LIN28B: variants seen among roughly 807,000 people sequenced by gnomAD.
The protein encoded by LIN28B is lin-28 RNA binding posttranscriptional regulator B, also known as protein lin-28 homolog B.
In LIN28B, 5 loss-of-function variants were observed where a neutral mutation model predicts 21.9. The observed-to-expected ratio is 0.23, with a 90% CI of 0.12 to 0.48. The LOEUF (loss-of-function observed/expected upper bound fraction) is 0.48. Among genes scored for constraint, LIN28B ranks in the 20% least tolerant of loss-of-function variants. The pLI is 0.98. For missense variants in LIN28B, 245 were observed against 310.5 expected, an observed-to-expected ratio of 0.79 and a Z score of 1.58; for synonymous variants, 109 against 111.3, an observed-to-expected ratio of 0.98 and a Z score of 0.13.
rs539063298 is a variant in LIN28B at position 104,958,886 on chromosome 6, T to G, written c.198+600T>G. ...GCAATAGAGGGATGCTTGATAAACA[T>G]TTTAGAAATGTGCTCCGTGTAGTCA... On this transcript the variant is annotated intron_variant, in intron 2 of 3. Coordinates refer to ENST00000345080, the MANE Select transcript of LIN28B (RefSeq NM_001004317.4). 2.0e-5 allele frequency among the ~76,000 whole-genome samples: 3 copies of G among 152,302 alleles called. No homozygotes were observed. The South Asian group carries it at 6.2e-4, about 32-fold the overall frequency.
At chr6:104,956,468 A>G (rs946268551), upstream of LIN28B, among the ~76,000 whole-genome samples, 31 of 152,020 alleles carry the variant, frequency 2.0e-4, 2 homozygotes, top group Non-Finnish European at 2.9e-5. Flanking sequence ...GAAGGTGAAA[A>G]CGATTTTTCT....
intron 2 of LIN28B, among the ~76,000 whole-genome samples, chr6:105,006,843 G>A (rs537671275): frequency 7.2e-5 from 11 of 152,092 alleles, no homozygotes; most frequent in Admixed American, 2.6e-4. Flanking sequence ...CTTCCCAAAA[G>A]TACCTAAGCT....
chr6:104,957,709 C>T (rs931953450), intron 1 of LIN28B, among the ~76,000 whole-genome samples: 1 of 152,144 alleles, frequency 6.6e-6, no homozygotes. Flanking sequence ...CTCTTTCCTC[C>T]TCGTGCCCGC....
Position 105,079,874 on chromosome 6 carries a change from G to C in LIN28B, c.*1091G>C, listed in dbSNP as rs1421050730. 1 of 152,056 alleles carries C rather than the reference G, an allele frequency of 6.6e-6. No individual in the cohort carries two copies. Among genetic ancestry groups the C allele is most frequent in the Non-Finnish European group, 1.5e-5 (1 of 68,016 alleles). The allele number at this position is 152,056 out of a possible 1,614,324, so 9.4% of individuals were successfully genotyped here. A position where few individuals can be genotyped will look rare whatever the true frequency, so the allele number is the denominator to read the frequency against. On this transcript the variant is annotated 3_prime_UTR_variant, in exon 4 of 4. Transcript: ENST00000345080. ...AGCAAAGAAATGAATTAAATACTGGGGTTGAGAATTAAAATTAAGTGGATG... is the reference window on the plus strand; with the variant it reads ...AGCAAAGAAATGAATTAAATACTGGCGTTGAGAATTAAAATTAAGTGGATG...
intron 2 of LIN28B, among the ~76,000 whole-genome samples, chr6:104,969,548 C>A (rs968096283): frequency 1.8e-4 from 28 of 152,148 alleles, no homozygotes; most frequent in Admixed American, 1.8e-3. Flanking sequence ...TTTATTGGGA[C>A]TCTCCATGGG....
intron 2 of LIN28B, among the ~76,000 whole-genome samples, chr6:104,937,696 C>T (rs1263205641): frequency 6.6e-6 from 1 of 152,030 alleles, no homozygotes; most frequent in Non-Finnish European, 1.5e-5. Flanking sequence ...TCATACACTC[C>T]ACTCATAAAA....
intron 3 of LIN28B, among the ~76,000 whole-genome samples, chr6:105,028,170 A>G (rs758469347): frequency 8.5e-5 from 13 of 152,182 alleles, no homozygotes; most frequent in African/African-American, 1.2e-4. Flanking sequence ...TTACATTCCA[A>G]TTCTGGGTTG....
chr6:104,950,868 C>T (rs573792628), intron 3 of LIN28B, among the ~76,000 whole-genome samples: 11 of 152,002 alleles, frequency 7.2e-5, no homozygotes, highest in African/African-American at 2.4e-4. Flanking sequence ...TTTTGTAACT[C>T]CCAAAGTAAA....
intron 3 of LIN28B, among the ~76,000 whole-genome samples, chr6:105,033,087 A>G (rs549258719): frequency 7.2e-5 from 11 of 152,142 alleles, no homozygotes; most frequent in African/African-American, 2.7e-4. Flanking sequence ...GTTTACATCA[A>G]TGATCCATTT....
intron 2 of LIN28B, among the ~76,000 whole-genome samples, chr6:104,948,991 G>T (rs898883671): frequency 6.6e-6 from 1 of 151,298 alleles, no homozygotes; most frequent in Non-Finnish European, 1.5e-5. Context: ...TTTGATTTTG[G>T]CTTTATTAAA....
chr6:105,012,838 A>T (rs1770951798), intron 2 of LIN28B, among the ~76,000 whole-genome samples: 1 of 152,190 alleles, frequency 6.6e-6, no homozygotes. Flanking sequence ...AAGCCTAGCC[A>T]TGGAACCTGG....
intron 2 of LIN28B, among the ~76,000 whole-genome samples, chr6:104,965,647 A>G (rs1769839312): frequency 6.6e-6 from 1 of 152,214 alleles, no homozygotes; most frequent in Non-Finnish European, 1.5e-5. Context: ...TTGGCCTCCC[A>G]AAGTCCTGGG....
intron 2 of LIN28B, among the ~76,000 whole-genome samples, chr6:104,985,692 T>A (rs1213309019): frequency 6.6e-6 from 1 of 152,240 alleles, no homozygotes; most frequent in African/African-American, 2.4e-5. Flanking sequence ...AGTGTTCTTA[T>A]GTCGTGTTTA....
chr6:105,043,341 C>CAAAAAAAAAAAAAA (rs57532096), intron 3 of LIN28B, among the ~76,000 whole-genome samples: 2 of 75,382 alleles, frequency 2.7e-5, no homozygotes, highest in Non-Finnish European at 4.5e-5. Flanking sequence ...GACTCTGTCT[C>CAAAAAAAAAAAAAA]AAAAAAAAAA....
intron 2 of LIN28B, among the ~76,000 whole-genome samples, chr6:104,989,988 C>A (rs1770429916): frequency 6.6e-6 from 1 of 152,124 alleles, no homozygotes; most frequent in Admixed American, 6.6e-5. Flanking sequence ...ACTTTAACCA[C>A]ATTTCTCATA....
upstream of LIN28B, among the ~76,000 whole-genome samples, chr6:104,954,612 A>G (rs922341147): frequency 5.9e-5 from 9 of 152,192 alleles, no homozygotes; most frequent in East Asian, 1.9e-4. Flanking sequence ...AGGATTTTTC[A>G]GGGTTACCAG....
At position 105,030,721 on chromosome 6, in the gene LIN28B, C is replaced by T. The variant is rs542273901; in HGVS notation, c.383+4239C>T. ...AAGCAATTCTCCTGCCTCAGCCTCC[C>T]GAGTAGCCGGGACTACAGGTGTGCA... On this transcript the variant is annotated intron_variant, in intron 3 of 3. Coordinates refer to ENST00000345080, the MANE Select transcript of LIN28B (RefSeq NM_001004317.4). 2.0e-4 allele frequency among the ~76,000 whole-genome samples: 31 copies of T among 151,410 alleles called. No individual in the cohort carries two copies. The South Asian group carries it at 3.5e-3, about 17-fold the overall frequency.
chr6:104,952,152 C>G (rs990919171), upstream of LIN28B, among the ~76,000 whole-genome samples: 2 of 152,090 alleles, frequency 1.3e-5, no homozygotes, highest in Non-Finnish European at 2.9e-5. Context: ...TTAAAGAATA[C>G]TTTTATTCAT....
At chr6:105,069,899 A>G (rs893230115) in intron 3 of LIN28B, among the ~76,000 whole-genome samples, 4 of 152,104 alleles carry the variant, frequency 2.6e-5, no homozygotes, top group African/African-American at 9.7e-5. Flanking sequence ...TCAAGGATCC[A>G]TTCTCAATAA....
Sources: gnomAD v4.1 joint callset for allele counts (sites outside exome capture counted in the v4.1 genomes callset) on GRCh38, gnomAD v4.1.1 for gene constraint, MANE v1.5 for transcripts, NCBI Gene and HGNC (gene_info 2026-07-23, HGNC 2026-07-21) for gene names.